SND1: variants seen among roughly 807,000 people sequenced by gnomAD.
SND1 encodes the protein staphylococcal nuclease and tudor domain containing 1, also known as staphylococcal nuclease domain-containing protein 1.
Under a neutral mutation model 121.7 loss-of-function variants are expected in SND1, and 38 were observed. That is an observed-to-expected ratio of 0.31 (90% CI 0.24 to 0.41). SND1 has a LOEUF of 0.41. SND1 is among the 10% of genes least tolerant of loss of function. SND1 has a pLI of 1.00. For synonymous variants in SND1, 401 were observed against 447.4 expected (o/e 0.90, Z 1.31); for missense variants, 868 against 1,184.6 (o/e 0.73, Z 3.92).
chr7:127,681,657 G>A (rs780035813), intron 1 of SND1, among the ~76,000 whole-genome samples: 5 of 152,048 alleles, frequency 3.3e-5, no homozygotes, highest in Non-Finnish European at 7.4e-5. Context: ...GTTATCTTTT[G>A]TATATGGTAT....
chr7:127,828,186 G>A (rs1018861604), intron 11 of SND1, among the ~76,000 whole-genome samples: 8 of 151,712 alleles, frequency 5.3e-5, no homozygotes, highest in Admixed American at 3.3e-4. Context: ...TAGTAGAGAC[G>A]GGGTTTCACC....
chr7:127,961,723 A>G (rs894909356), intron 15 of SND1, among the ~76,000 whole-genome samples: 2 of 152,248 alleles, frequency 1.3e-5, no homozygotes, highest in Non-Finnish European at 2.9e-5. Flanking sequence ...AGTTGGAACA[A>G]GCTTTTCTAC....
At chr7:127,763,118 T>C (rs1797335197) in intron 10 of SND1, among the ~76,000 whole-genome samples, 1 of 152,192 alleles carries the variant, frequency 6.6e-6, no homozygotes, top group East Asian at 1.9e-4. Flanking sequence ...CTAGAACTCA[T>C]GTCACATAGA....
chr7:127,759,226 T>C (rs1467225556), intron 10 of SND1, among the ~76,000 whole-genome samples: 1 of 152,210 alleles, frequency 6.6e-6, no homozygotes, highest in African/African-American at 2.4e-5. Context: ...TGTCAGGCTT[T>C]TTTACTGTAA....
chr7:127,832,576 A>G (rs1406290305), intron 11 of SND1, among the ~76,000 whole-genome samples: 2 of 152,250 alleles, frequency 1.3e-5, no homozygotes, highest in Non-Finnish European at 2.9e-5. Context: ...GTCACAGCGC[A>G]GGACATCAAA....
intron 11 of SND1, among the ~76,000 whole-genome samples, chr7:127,823,408 T>C (rs188735993): frequency 6.6e-6 from 1 of 152,242 alleles, no homozygotes; most frequent in East Asian, 1.9e-4. Flanking sequence ...TTTCCTTCTT[T>C]TCTGAGTTTC....
At chr7:128,066,281 G>A (rs751600997) in intron 16 of SND1, among the ~76,000 whole-genome samples, 6 of 152,226 alleles carry the variant, frequency 3.9e-5, no homozygotes, top group Non-Finnish European at 8.8e-5. Context: ...CACAGCACAG[G>A]CCTTTTCTTT....
rs181040418 is a variant in SND1 at position 127,679,874 on chromosome 7, T to C, written c.79-6739T>C. Among the ~76,000 whole-genome samples, 146 of 152,356 alleles carry C rather than the reference T, an allele frequency of 9.6e-4. No individual in the cohort carries two copies. The Middle Eastern group carries it at 0.01, about 11-fold the overall frequency. ...ATTGTTTTCTCTCTTTTTTTGGCTA[T>C]TATGAATGATGTTGCAATGAGCATT... On this transcript the variant is annotated intron_variant, in intron 1 of 23. Coordinates refer to ENST00000354725, the MANE Select transcript of SND1 (RefSeq NM_014390.4).
chr7:127,952,820 A>G (rs1313358573), intron 15 of SND1, among the ~76,000 whole-genome samples: 2 of 152,068 alleles, frequency 1.3e-5, no homozygotes, highest in Admixed American at 6.6e-5. Flanking sequence ...AATCTCAACC[A>G]TTTTTTCATA....
chr7:127,750,209 C>T (rs1797060746), intron 10 of SND1, among the ~76,000 whole-genome samples: 2 of 152,186 alleles, frequency 1.3e-5, no homozygotes, highest in Non-Finnish European at 2.9e-5. Flanking sequence ...CATTGTTCAT[C>T]CAGTAACGGG....
intron 16 of SND1, chr7:128,028,631 C>CT: frequency 1.3e-6 from 2 of 1,548,942 alleles, no homozygotes; most frequent in African/African-American, 1.4e-5. Context: ...AAGTTGCTGT[C>CT]TTTGTGTGCA....
In SND1 at chr7:127,885,297, A is replaced by C. The variant is rs1461962454; in HGVS notation, c.1344-2605A>C. Among the ~76,000 whole-genome samples the C allele has an allele frequency of 2.0e-5, 3 of 152,264 alleles. 1 individual carries two copies. In the East Asian group the frequency reaches 5.8e-4, roughly 29 times the overall value. ...CAAGAAGAGAACACATGTGATTCTC[A>C]TATGCATTGCACGTAGTGAATGCCC... On this transcript the variant is annotated intron_variant, in intron 12 of 23. Coordinates refer to ENST00000354725, the MANE Select transcript of SND1 (RefSeq NM_014390.4).
intron 14 of SND1, among the ~76,000 whole-genome samples, chr7:127,917,718 CAGCCACATTAAACTCTT>C (rs1380799143): frequency 6.6e-6 from 1 of 152,148 alleles, no homozygotes; most frequent in Non-Finnish European, 1.5e-5. Flanking sequence ...CCACTGCACG[CAGCCACATTAAACTCTT>C]AGTCCTTAGA....
rs764320760 is a variant in SND1, at chr7:127,702,470, A to C, written c.625A>C (p.Arg209=). The part of the protein sequence containing the change: ...IEHVRDGSVV[R]ALLLPDYYLV... ...GCATGTGCGGGACGGCAGTGTGGTC[A>C]GGGCCCTGCTCCTCCCAGATTACTA... Residue 209 remains arginine (R), a synonymous_variant, in exon 6 of 24, where the codon AGG becomes CGG. Coordinates refer to ENST00000354725, the MANE Select transcript of SND1 (RefSeq NM_014390.4). The C allele has an allele frequency of 1.9e-5, 30 of 1,614,052 alleles. No homozygotes were observed. The highest frequency in any genetic ancestry group is 2.5e-5 in the Non-Finnish European group (30 of 1,179,914).
At chr7:127,898,360 C>T (rs1385033983) in intron 13 of SND1, among the ~76,000 whole-genome samples, 1 of 152,126 alleles carries the variant, frequency 6.6e-6, no homozygotes, top group East Asian at 1.9e-4. Flanking sequence ...TCTTTCTCAT[C>T]GGTAATTCTC....
intron 15 of SND1, among the ~76,000 whole-genome samples, chr7:127,985,385 G>A (rs1260045531): frequency 6.6e-6 from 1 of 152,208 alleles, no homozygotes; most frequent in East Asian, 1.9e-4. Context: ...AGCCTCCTGA[G>A]TAGCTGGCCC....
At position 127,909,857 on chromosome 7, in the gene SND1, G is replaced by A. The variant is rs564788708; in HGVS notation, c.1527+5038G>A. 5.9e-5 allele frequency among the ~76,000 whole-genome samples: 9 copies of A among 152,332 alleles called. No homozygotes were observed. In the South Asian group the frequency reaches 1.7e-3, roughly 28 times the overall value. ...AAACGAAGTCTTACAGAGTTGACCAGTAGGATTCTGACTTGCTAATGTGAA... is the reference window on the plus strand; with the variant it reads ...AAACGAAGTCTTACAGAGTTGACCAATAGGATTCTGACTTGCTAATGTGAA... On this transcript the variant is annotated intron_variant, in intron 14 of 23. Transcript: ENST00000354725.
intron 15 of SND1, among the ~76,000 whole-genome samples, chr7:127,939,123 T>A (rs902193946): frequency 4.6e-5 from 7 of 152,214 alleles, no homozygotes; most frequent in Admixed American, 1.3e-4. Flanking sequence ...TCAAAAAGGC[T>A]GTTTCAAAAC....
At chr7:127,661,310 C>T (rs914603444) in intron 1 of SND1, among the ~76,000 whole-genome samples, 1 of 152,164 alleles carries the variant, frequency 6.6e-6, no homozygotes, top group Admixed American at 6.5e-5. Flanking sequence ...CATTTTAACA[C>T]TCATCTGCGA....
Sources: gnomAD v4.1 joint callset for allele counts (sites outside exome capture counted in the v4.1 genomes callset) on GRCh38, gnomAD v4.1.1 for gene constraint, MANE v1.5 for transcripts, NCBI Gene and HGNC (gene_info 2026-07-23, HGNC 2026-07-21) for gene names.